Variants in CLTA observed in about 807,000 individuals in gnomAD.
CLTA encodes the protein clathrin, light polypeptide (Lca).
A neutral mutation model predicts 26.9 loss-of-function variants in CLTA; 9 were observed. That is an observed-to-expected ratio of 0.33 (90% confidence interval 0.20 to 0.58). The LOEUF (loss-of-function observed/expected upper bound fraction) is 0.58, where lower values mean the gene tolerates loss of function less well. Among genes scored for constraint, CLTA ranks in the 20% least tolerant of loss-of-function variants. The pLI is 0.85. For missense variants in CLTA, 278 were observed against 294.2 expected (o/e 0.94, Z 0.40); for synonymous variants, 120 against 115.5 (o/e 1.04, Z -0.25).
intron 1 of CLTA, among the ~76,000 whole-genome samples, chr9:36,195,650 G>T (rs1826978379): frequency 1.3e-5 from 2 of 152,190 alleles, no homozygotes; most frequent in Non-Finnish European, 2.9e-5. Context: ...GAACAAGTGG[G>T]TAGAATTTTA....
intron 4 of CLTA, among the ~76,000 whole-genome samples, chr9:36,210,876 G>A (rs1828002141): frequency 6.6e-6 from 1 of 152,190 alleles, no homozygotes; most frequent in Non-Finnish European, 1.5e-5. Context: ...CTTTCCGGCT[G>A]TAGCTCCCAC....
At chr9:36,199,818 A>G (rs758048433) in intron 3 of CLTA, among the ~76,000 whole-genome samples, 3 of 152,222 alleles carry the variant, frequency 2.0e-5, no homozygotes, top group Admixed American at 6.5e-5. Flanking sequence ...TATGTTAGGA[A>G]AAAATGTACA....
chr9:36,203,928 C>T (rs1026691527), intron 3 of CLTA, 140 bp from the exon 4 acceptor site: 4 of 1,153,178 alleles, frequency 3.5e-6, no homozygotes, highest in Non-Finnish European at 4.8e-6. Flanking sequence ...TTTATCTTCC[C>T]CTCTCTACTC....
chr9:36,197,186 C>T (rs1827106029), intron 1 of CLTA, among the ~76,000 whole-genome samples: 1 of 152,126 alleles, frequency 6.6e-6, no homozygotes, highest in Non-Finnish European at 1.5e-5. Flanking sequence ...GATGAAGCTG[C>T]AGGTCTCTGC....
At chr9:36,208,350 G>A (rs538857197) in intron 4 of CLTA, among the ~76,000 whole-genome samples, 2 of 152,298 alleles carry the variant, frequency 1.3e-5, no homozygotes, top group South Asian at 4.1e-4. Context: ...TGAGAGCCCT[G>A]CCATGTTGAG....
Position 36,201,899 on chromosome 9 carries a change from C to T in CLTA, c.374-2169C>T, listed in dbSNP as rs1827435885. On this transcript the variant is annotated intron_variant, in intron 3 of 4. Transcript: ENST00000345519. ...GGCTGAGGTGGGAGGATCACTTGAG[C>T]TCAGGAGTTCAAGACCAGCCTGGGC... Among the ~76,000 whole-genome samples the T allele has an allele frequency of 2.0e-5, 3 of 151,886 alleles. No homozygotes were observed. In the South Asian group the frequency reaches 6.2e-4, roughly 32 times the overall value.
intron 2 of CLTA, among the ~76,000 whole-genome samples, chr9:36,198,522 A>G (rs1286995785): frequency 6.6e-6 from 1 of 151,834 alleles, no homozygotes; most frequent in East Asian, 2.0e-4. Flanking sequence ...CTAAAAATAC[A>G]AAAATTAACC....
At chr9:36,198,854 CAA>C (rs1396715753) in intron 2 of CLTA, 123 bp from the exon 3 acceptor site, 23 of 557,058 alleles carry the variant, frequency 4.1e-5, no homozygotes, top group Non-Finnish European at 4.4e-5. Flanking sequence ...GCCTTGGCGA[CAA>C]GAGTGAAAAC....
chr9:36,201,390 T>C (rs1312831277), intron 3 of CLTA, among the ~76,000 whole-genome samples: 15 of 152,178 alleles, frequency 9.9e-5, no homozygotes, highest in Non-Finnish European at 2.2e-4. Flanking sequence ...AAGGCACCTG[T>C]GAATGTGCTT....
intron 4 of CLTA, chr9:36,209,263 C>T (rs1348527817): frequency 6.2e-7 from 1 of 1,613,978 alleles, no homozygotes; most frequent in Non-Finnish European, 8.5e-7. Flanking sequence ...CTCTTGCTGT[C>T]TAGGGTGGCA....
In CLTA at chr9:36,192,892, G is replaced by T. The variant is rs142547479; in HGVS notation, c.217+1619G>T. Among the ~76,000 whole-genome samples the T allele has an allele frequency of 1.4e-3, 210 of 152,298 alleles. 1 individual carries two copies. The highest frequency in any genetic ancestry group is 4.7e-3 in the African/African-American group (195 of 41,560). On this transcript the variant is annotated intron_variant, in intron 1 of 4. Transcript: ENST00000345519. Reference sequence around the variant, plus strand: ...TTGGGAGAAGCAGAACCCAAGATCTGTAGTTGGAAGATTGTCCTGATTCAA... The same window carrying T: ...TTGGGAGAAGCAGAACCCAAGATCTTTAGTTGGAAGATTGTCCTGATTCAA...
At chr9:36,195,797 T>C (rs1420780971) in intron 1 of CLTA, among the ~76,000 whole-genome samples, 2 of 151,076 alleles carry the variant, frequency 1.3e-5, no homozygotes, top group Non-Finnish European at 2.9e-5. Flanking sequence ...TGAAACCTCG[T>C]CTCTACTAAA....
chr9:36,193,317 C>CT lies in CLTA; in HGVS notation c.217+2059dup, dbSNP rs5897629. ...TTCTCTCTTAGTTTTCTTTTTCCTT[C>CT]TTTTTTTTTTTTTTTAAAGATATGC... On this transcript the variant is annotated intron_variant, in intron 1 of 4. Transcript: ENST00000345519. Among the ~76,000 whole-genome samples the CT allele has an allele frequency of 6.3e-3, 860 of 137,494 alleles. 3 individuals carry two copies. Among genetic ancestry groups the CT allele is most frequent in the Middle Eastern group, 0.011 (3 of 264 alleles). The allele number at this position is 137,494 out of a possible 152,430, so 90.2% of individuals were successfully genotyped here.
In CLTA at chr9:36,199,083, C is replaced by T. The variant is rs1210998802; in HGVS notation, c.360C>T (p.Arg120=). Residue 120 remains arginine (R), a synonymous_variant, in exon 3 of 5, where the codon CGC becomes CGT. Coordinates refer to ENST00000345519, the MANE Select transcript of CLTA (RefSeq NM_001833.4). ...AATGGAGAGAAGAACAAATGGAACG[C>T]TTGGAAGCCCTTGGTAAGGAATCCC... is the stretch of plus-strand genomic sequence containing the variant. ...IRKWREEQME[R]LEALDANSRK... is the part of the protein sequence containing the mutation. 1 of 1,608,620 alleles carries T rather than the reference C, an allele frequency of 6.2e-7. No individual in the cohort carries two copies. The highest frequency in any genetic ancestry group is 1.1e-5 in the South Asian group (1 of 90,978).
At chr9:36,208,330 C>T (rs1001494318) in intron 4 of CLTA, among the ~76,000 whole-genome samples, 1 of 152,186 alleles carries the variant, frequency 6.6e-6, no homozygotes, top group Non-Finnish European at 1.5e-5. Context: ...TCTGCCCCCT[C>T]CTTCCTGTCT....
chr9:36,198,896 A>G (rs1486039133), intron 2 of CLTA, 83 bp from the exon 3 acceptor site: 11 of 888,744 alleles, frequency 1.2e-5, no homozygotes, highest in Admixed American at 8.3e-5. Context: ...AAAAAAACAG[A>G]ACCAGGGGTT....
chr9:36,191,417 G>A (rs890554823), intron 1 of CLTA, 144 bp downstream of exon 1: 2 of 1,023,690 alleles, frequency 2.0e-6, no homozygotes, highest in Non-Finnish European at 2.7e-6. Context: ...ACCCTGGCCC[G>A]GTCTTTCAGA....
At position 36,191,240 on chromosome 9, in the gene CLTA, C is replaced by A; in HGVS notation, c.184C>A (p.Pro62Thr). 2 of 1,537,280 alleles carry A rather than the reference C, an allele frequency of 1.3e-6. No homozygotes were observed. Among genetic ancestry groups the A allele is most frequent in the South Asian group, 1.2e-5 (1 of 83,752 alleles). ...CATCCTGGACGGCGGCGCCCCCGGG[C>A]CCCAGCCGCACGGCGAGCCGCCGGG... is the stretch of plus-strand genomic sequence containing the variant. ...FAILDGGAPG[P>T]QPHGEPPGGP... Residue 62 changes from proline to threonine, a missense_variant, in exon 1 of 5, where the codon CCC (proline) becomes ACC (threonine). Physicochemically the swap from Pro to Thr is conservative, Grantham distance 38 (BLOSUM62 -1). Transcript: ENST00000345519.
chr9:36,194,353 A>G (rs1044435667), intron 1 of CLTA, among the ~76,000 whole-genome samples: 4 of 152,232 alleles, frequency 2.6e-5, no homozygotes, highest in Non-Finnish European at 1.5e-5. Flanking sequence ...AGGAGAAGAA[A>G]GAGACATGGG....
Sources: gnomAD v4.1 joint callset for allele counts (sites outside exome capture counted in the v4.1 genomes callset) on GRCh38, gnomAD v4.1.1 for gene constraint, MANE v1.5 for transcripts, NCBI Gene and HGNC (gene_info 2026-07-23, HGNC 2026-07-21) for gene names.